Variants in ENPP1 observed in about 807,000 individuals in gnomAD.
The protein encoded by ENPP1 is ectonucleotide pyrophosphatase/phosphodiesterase family member 1.
Under a neutral mutation model 122.8 loss-of-function variants are expected in ENPP1, and 73 were observed. The observed-to-expected ratio is 0.59, with a 90% CI of 0.49 to 0.72. The LOEUF (loss-of-function observed/expected upper bound fraction) is 0.72, where lower values mean the gene tolerates loss of function less well. ENPP1 is among the 30% of genes least tolerant of loss of function. The pLI, the probability that ENPP1 is intolerant of heterozygous loss-of-function variation, is 0.00. For missense variants in ENPP1, 978 were observed against 1,128.1 expected (o/e 0.87, Z 1.91); for synonymous variants, 367 against 391.6 (o/e 0.94, Z 0.74).
chr6:131,813,372 CA>C (rs539108825), intron 1 of ENPP1, among the ~76,000 whole-genome samples: 1,756 of 151,220 alleles, frequency 0.012, 26 homozygotes, highest in African/African-American at 0.04. Context: ...TGTAAAAATA[CA>C]AAAAAAATTA....
intron 1 of ENPP1, among the ~76,000 whole-genome samples, chr6:131,816,642 T>C (rs985180171): frequency 5.3e-5 from 8 of 152,240 alleles, no homozygotes; most frequent in Non-Finnish European, 1.2e-4. Flanking sequence ...TCTAGTTATC[T>C]GAGATTTAGT....
chr6:131,874,786 C>G (rs568110436), intron 16 of ENPP1, among the ~76,000 whole-genome samples: 6 of 151,600 alleles, frequency 4.0e-5, no homozygotes, highest in Non-Finnish European at 8.8e-5. Flanking sequence ...TGGAATCAAC[C>G]TAAATATTTA....
rs1235723658 is a variant in ENPP1, at chr6:131,837,193, TG to T, written c.241-10582del. On this transcript the variant is annotated intron_variant, in intron 1 of 24. Transcript: ENST00000647893. Reference sequence around the variant, plus strand: ...GTCATTGTGTGTGTGTGTGTGTGTGTGTGTGTGTGTGTGTGTGTGTAGTTTG... The same window carrying T: ...GTCATTGTGTGTGTGTGTGTGTGTGTTGTGTGTGTGTGTGTGTGTAGTTTG... 6.9e-3 allele frequency among the ~76,000 whole-genome samples: 1,049 copies of T among 151,488 alleles called. 28 individuals carry two copies. Among genetic ancestry groups the T allele is most frequent in the African/African-American group, 0.024 (1,006 of 41,278 alleles).
chr6:131,823,589 T>C (rs1231036187), intron 1 of ENPP1, among the ~76,000 whole-genome samples: 1 of 151,918 alleles, frequency 6.6e-6, no homozygotes. Flanking sequence ...TACCCCACCG[T>C]GATTTTTTAA....
At chr6:131,818,158 A>G (rs566539292) in intron 1 of ENPP1, among the ~76,000 whole-genome samples, 19 of 152,156 alleles carry the variant, frequency 1.2e-4, no homozygotes, top group Non-Finnish European at 2.5e-4. Flanking sequence ...AAAGAAACTC[A>G]GTAGATTAAG....
intron 17 of ENPP1, 95 bp from the exon 18 acceptor site, chr6:131,876,897 G>A (rs1318071137): frequency 2.0e-5 from 22 of 1,081,320 alleles, no homozygotes; most frequent in Non-Finnish European, 2.7e-5. Context: ...AATGACTCAT[G>A]TATTTGGTTT....
Position 131,808,045 on chromosome 6 carries a change from G to A in ENPP1, c.10G>A (p.Asp4Asn), listed in dbSNP as rs941474086. The A allele has an allele frequency of 2.0e-5, 20 of 976,720 alleles. No individual in the cohort carries two copies. Among genetic ancestry groups the A allele is most frequent in the Non-Finnish European group, 2.4e-5 (20 of 825,470 alleles). The allele number at this position is 976,720 out of a possible 1,614,324, so 60.5% of individuals were successfully genotyped here. A position where few individuals can be genotyped will look rare whatever the true frequency, so the allele number is the denominator to read the frequency against. The change falls in exon 1 of 25, where the codon GAC becomes AAC. Residue 4 changes from aspartate to asparagine, a missense_variant. Transcript: ENST00000647893. ...AGCGGCCGGGGCCACGATGGAGCGC[G>A]ACGGCTGCGCGGGGGGCGGGAGCCG... The part of the protein sequence containing the change: MER[D>N]GCAGGGSRGG...
At chr6:131,834,230 A>G (rs2327173) in intron 1 of ENPP1, among the ~76,000 whole-genome samples, 12,949 of 152,270 alleles carry the variant, frequency 0.085, 713 homozygotes, top group East Asian at 0.18. Flanking sequence ...TGCTGGTTAA[A>G]TTTTATCTTT....
At chr6:131,888,729 C>T (rs943570866) in intron 24 of ENPP1, among the ~76,000 whole-genome samples, 1 of 152,196 alleles carries the variant, frequency 6.6e-6, no homozygotes, top group African/African-American at 2.4e-5. Flanking sequence ...GATTATCTGA[C>T]TCCACTGAAA....
At chr6:131,811,669 G>A (rs1440521173) in intron 1 of ENPP1, among the ~76,000 whole-genome samples, 1 of 152,134 alleles carries the variant, frequency 6.6e-6, no homozygotes, top group Non-Finnish European at 1.5e-5. Flanking sequence ...GATAGTGGGT[G>A]AGGCAGCTGT....
intron 6 of ENPP1, 87 bp downstream of exon 6, chr6:131,855,110 A>G (rs763862810): frequency 3.0e-5 from 29 of 970,502 alleles, no homozygotes; most frequent in Non-Finnish European, 4.5e-5. Context: ...AAGTACTGGC[A>G]GAACCTAACT....
chr6:131,886,595 G>T lies in ENPP1; in HGVS notation c.2478G>T (p.Leu826Phe), dbSNP rs752931021. The change falls in exon 24 of 25, where the codon TTG (leucine) becomes TTT (phenylalanine). Residue 826 changes from leucine to phenylalanine, a missense_variant. Physicochemically the swap from Leu to Phe is conservative, Grantham distance 22 (BLOSUM62 0). Transcript: ENST00000647893. The stretch of plus-strand genomic sequence containing the variant: ...GAGTCATCCGTAACCAAGAAATTTT[G>T]ATTCCAACTCACTTCTTTATTGTGC... Reference protein sequence around the residue: ...KRRVIRNQEILIPTHFFIVLT... With the variant: ...KRRVIRNQEIFIPTHFFIVLT... 4 of 1,613,696 alleles carry T rather than the reference G, an allele frequency of 2.5e-6. No individual in the cohort carries two copies. The Admixed American group carries it at 5.0e-5, about 20-fold the overall frequency.
In ENPP1 at chr6:131,851,035, G is replaced by A. The variant is rs1205361715; in HGVS notation, c.431-107G>A. ...GTGAGTGACTAAGAGCTGTGAAATT[G>A]TTCATTGTTGCTCATGGATCATACT... is the stretch of plus-strand genomic sequence containing the variant. On this transcript the variant is annotated intron_variant, in intron 3 of 24. Coordinates refer to ENST00000647893, the MANE Select transcript of ENPP1 (RefSeq NM_006208.3). The A allele has an allele frequency of 3.1e-6, 4 of 1,283,688 alleles. No homozygotes were observed. The African/African-American group carries it at 5.9e-5, about 19-fold the overall frequency. 79.5% of individuals were successfully genotyped at this position (1,283,688 alleles called of 1,614,324 possible).
intron 1 of ENPP1, among the ~76,000 whole-genome samples, chr6:131,841,289 C>T (rs183460898): frequency 1.2e-3 from 180 of 152,246 alleles, no homozygotes; most frequent in Middle Eastern, 3.4e-3. Flanking sequence ...AACGAAATCC[C>T]GTGAAGACTC....
intron 1 of ENPP1, among the ~76,000 whole-genome samples, chr6:131,813,917 C>G (rs1273524354): frequency 1.3e-5 from 2 of 152,130 alleles, no homozygotes; most frequent in Non-Finnish European, 2.9e-5. Context: ...CATCCAGGTG[C>G]ATGGATCTTT....
rs555402204 is a variant in ENPP1 at position 131,809,715 on chromosome 6, A to G, written c.240+1440A>G. 2.0e-5 allele frequency among the ~76,000 whole-genome samples: 3 copies of G among 152,366 alleles called. No homozygotes were observed. In the South Asian group the frequency reaches 6.2e-4, roughly 32 times the overall value. On this transcript the variant is annotated intron_variant, in intron 1 of 24. Coordinates refer to ENST00000647893, the MANE Select transcript of ENPP1 (RefSeq NM_006208.3). ...GGAATCAGTGTGTAACTCTTGTGTAAAACCATTTCTACATGCCTATAAACC... is the reference window on the plus strand; with the variant it reads ...GGAATCAGTGTGTAACTCTTGTGTAGAACCATTTCTACATGCCTATAAACC...
chr6:131,833,262 A>G (rs1031298581), intron 1 of ENPP1, among the ~76,000 whole-genome samples: 24 of 152,284 alleles, frequency 1.6e-4, no homozygotes, highest in African/African-American at 5.5e-4. Context: ...TTTGTTGGGT[A>G]GGAAAGGGAC....
At chr6:131,822,887 T>C (rs76166220) in intron 1 of ENPP1, among the ~76,000 whole-genome samples, 3,068 of 152,304 alleles carry the variant, frequency 0.02, 90 homozygotes, top group African/African-American at 0.069. Flanking sequence ...CATGGTTAAA[T>C]TACTAGTTTT....
intron 17 of ENPP1, 27 bp from the exon 18 acceptor site, chr6:131,876,965 T>C: frequency 6.2e-7 from 1 of 1,610,580 alleles, no homozygotes; most frequent in South Asian, 1.1e-5. Flanking sequence ...AACATCTAAG[T>C]AACTCTACCA....
Sources: gnomAD v4.1 joint callset for allele counts (sites outside exome capture counted in the v4.1 genomes callset) on GRCh38, gnomAD v4.1.1 for gene constraint, MANE v1.5 for transcripts, NCBI Gene and HGNC (gene_info 2026-07-23, HGNC 2026-07-21) for gene names.